The following UBR3 variants were observed in gnomAD, a reference collection of about 807,000 sequenced individuals.
UBR3 encodes the protein ubiquitin protein ligase E3 component n-recognin 3.
In UBR3, 85 loss-of-function variants were observed where a neutral mutation model predicts 243.2. The ratio of observed to expected loss-of-function variants is 0.35; its 90% confidence interval spans 0.29 to 0.42. The LOEUF is 0.42. Ranked by LOEUF, UBR3 falls within the 10% of genes least tolerant of loss-of-function variation. The pLI, the probability that UBR3 is intolerant of heterozygous loss-of-function variation, is 1.00. For synonymous variants in UBR3, 748 were observed against 799.8 expected, an observed-to-expected ratio of 0.94 and a Z score of 1.09; for missense variants, 1,686 against 2,300.8, an observed-to-expected ratio of 0.73 and a Z score of 5.47.
chr2:169,954,755 A>G (rs892871498), intron 23 of UBR3, among the ~76,000 whole-genome samples: 1 of 151,192 alleles, frequency 6.6e-6, no homozygotes, highest in Non-Finnish European at 1.5e-5. Context: ...TTGTATTTTT[A>G]GTAGAGACAG....
chr2:169,891,181 G>A lies in UBR3; in HGVS notation c.1055G>A (p.Ser352Asn). The A allele has an allele frequency of 1.3e-6, 2 of 1,549,882 alleles. No homozygotes were observed. The highest frequency in any genetic ancestry group is 1.7e-6 in the Non-Finnish European group (2 of 1,145,796). The change falls in exon 6 of 39, where the codon AGT becomes AAT. Residue 352 changes from serine (S) to asparagine (N), a missense_variant. By Grantham distance (46) the Ser-to-Asn change is conservative. Coordinates refer to ENST00000272793, the MANE Select transcript of UBR3 (RefSeq NM_172070.4). ...TTCCTTCAGGATGATCAGGATGGTA[G>A]TCAAGGTCTGGGCAAGAGAAAAAGG... ...DSSDEDDQDGSQGLGKRKRVK... is the reference protein window; with the variant it reads ...DSSDEDDQDGNQGLGKRKRVK...
At chr2:169,960,936 T>G (rs1156607029) in intron 24 of UBR3, among the ~76,000 whole-genome samples, 1 of 152,140 alleles carries the variant, frequency 6.6e-6, no homozygotes, top group South Asian at 2.1e-4. Context: ...AAAGAGACTA[T>G]CTTTAGTACG....
intron 19 of UBR3, among the ~76,000 whole-genome samples, chr2:169,935,574 AT>A (rs1359362421): frequency 5.9e-5 from 9 of 152,184 alleles, no homozygotes; most frequent in African/African-American, 2.2e-4. Context: ...TGTAAAGTAC[AT>A]TTTTTAAAAT....
intron 10 of UBR3, among the ~76,000 whole-genome samples, 168 bp from the exon 11 acceptor site, chr2:169,913,892 T>A (rs1464216196): frequency 1.3e-5 from 2 of 152,204 alleles, no homozygotes; most frequent in African/African-American, 4.8e-5. Flanking sequence ...TTCATATTTG[T>A]CACTGGTTGT....
intron 36 of UBR3, among the ~76,000 whole-genome samples, chr2:170,078,996 C>A (rs2091861433): frequency 6.6e-6 from 1 of 152,104 alleles, no homozygotes; most frequent in Admixed American, 6.6e-5. Context: ...CTTAGTTACT[C>A]CACTGATTTA....
intron 5 of UBR3, among the ~76,000 whole-genome samples, chr2:169,878,995 G>T (rs1437434665): frequency 1.3e-5 from 2 of 151,844 alleles, no homozygotes; most frequent in African/African-American, 4.8e-5. Context: ...TTTTCTAATC[G>T]TATAATAAAG....
At chr2:169,890,544 T>TATATATACACAC (rs1553504427) in intron 5 of UBR3, among the ~76,000 whole-genome samples, 3 of 56,098 alleles carry the variant, frequency 5.3e-5, no homozygotes, top group East Asian at 5.0e-4. Flanking sequence ...GAGAGAGATA[T>TATATATACACAC]ATATATATAT....
intron 11 of UBR3, among the ~76,000 whole-genome samples, chr2:169,919,653 A>G (rs1457200782): frequency 6.6e-6 from 1 of 152,250 alleles, no homozygotes; most frequent in African/African-American, 2.4e-5. Flanking sequence ...GGCAAAGGAT[A>G]TGAACAGACA....
chr2:169,828,178 CA>C, intron 1 of UBR3, 126 bp downstream of exon 1: 5 of 1,166,982 alleles, frequency 4.3e-6, no homozygotes, highest in Non-Finnish European at 5.3e-6. Flanking sequence ...GGTGCAGCCA[CA>C]GGGGGATGGA....
intron 6 of UBR3, among the ~76,000 whole-genome samples, chr2:169,894,322 G>GAAAAAAAAA (rs59525862): frequency 1.3e-5 from 1 of 78,244 alleles, no homozygotes; most frequent in African/African-American, 5.7e-5. Context: ...TGACTCTTAA[G>GAAAAAAAAA]AAAAAAAAAA....
chr2:169,963,335 TC>T (rs2087666046), intron 24 of UBR3, among the ~76,000 whole-genome samples: 1 of 152,180 alleles, frequency 6.6e-6, no homozygotes, highest in African/African-American at 2.4e-5. Context: ...GATCAATTCT[TC>T]CTTTTCTGTA....
At chr2:169,921,888 G>T (rs1017464719) in intron 11 of UBR3, among the ~76,000 whole-genome samples, 12 of 152,156 alleles carry the variant, frequency 7.9e-5, no homozygotes, top group African/African-American at 2.7e-4. Flanking sequence ...CTACTCAGGA[G>T]GCTGAGGCAG....
intron 1 of UBR3, among the ~76,000 whole-genome samples, chr2:169,831,679 C>CA (rs2081946869): frequency 6.6e-6 from 1 of 152,106 alleles, no homozygotes; most frequent in Admixed American, 6.5e-5. Context: ...GTGATGTTGA[C>CA]CAGCTCTGCA....
At chr2:170,073,641 T>C (rs1228672456) in intron 36 of UBR3, 34 bp downstream of exon 36, 1 of 1,594,960 alleles carries the variant, frequency 6.3e-7, no homozygotes, top group Non-Finnish European at 8.5e-7. Context: ...CTTGTCACGG[T>C]GGTGATATGC....
intron 31 of UBR3, 67 bp from the exon 32 acceptor site, chr2:170,040,815 A>C (rs1224970636): frequency 7.7e-6 from 9 of 1,165,202 alleles, no homozygotes; most frequent in Non-Finnish European, 9.9e-6. Context: ...TATATATGTG[A>C]CATATAAAAT....
Position 169,827,561 on chromosome 2 carries a change from G to A in UBR3, c.54G>A (p.Glu18=), listed in dbSNP as rs2081780691. 1 of 1,235,808 alleles carries A rather than the reference G, an allele frequency of 8.1e-7. No individual in the cohort carries two copies. The highest frequency in any genetic ancestry group is 1.0e-6 in the Non-Finnish European group (1 of 992,094). The allele number at this position is 1,235,808 out of a possible 1,614,324, so 76.6% of individuals were successfully genotyped here. A position where few individuals can be genotyped will look rare whatever the true frequency, so the allele number is the denominator to read the frequency against. Residue 18 remains glutamate, a synonymous_variant, in exon 1 of 39, where the codon GAG becomes GAA. Coordinates refer to ENST00000272793, the MANE Select transcript of UBR3 (RefSeq NM_172070.4). ...GGGGCCAGCAGCCGTCACAGCCCGA[G>A]CTGCCCGCGCCGGGGCTGGCCCTAG... ...AVGGQQPSQP[E]LPAPGLALDK... is the part of the protein sequence containing the mutation.
rs902741639 is a variant in UBR3, at chr2:169,828,064, C to T, written c.545+12C>T. 13 of 1,362,408 alleles carry T rather than the reference C, an allele frequency of 9.5e-6. No individual in the cohort carries two copies. The African/African-American group carries it at 1.1e-4, about 11-fold the overall frequency. The allele number at this position is 1,362,408 out of a possible 1,614,324, so 84.4% of individuals were successfully genotyped here. A position where few individuals can be genotyped will look rare whatever the true frequency, so the allele number is the denominator to read the frequency against. On this transcript the variant is annotated intron_variant, in intron 1 of 38. Transcript: ENST00000272793. ...ATGCGGGAGAGCGGGTGAGTGGAGC[C>T]CTCCCCGCGGGCGAGGCGACCCTGG... is the stretch of plus-strand genomic sequence containing the variant.
At chr2:169,904,494 C>A (rs942970224) in intron 8 of UBR3, among the ~76,000 whole-genome samples, 1 of 151,886 alleles carries the variant, frequency 6.6e-6, no homozygotes, top group Admixed American at 6.6e-5. Flanking sequence ...TTCGTACAAG[C>A]CTATCCTCCC....
At chr2:170,070,422 T>C (rs922011209) in intron 35 of UBR3, among the ~76,000 whole-genome samples, 1 of 152,046 alleles carries the variant, frequency 6.6e-6, no homozygotes, top group Non-Finnish European at 1.5e-5. Context: ...AGGAACAAGA[T>C]TGGAACAAGA....
Sources: allele counts gnomAD v4.1 joint callset (sites outside exome capture counted in the v4.1 genomes callset), GRCh38; gene constraint gnomAD v4.1.1; transcripts MANE v1.5; gene names NCBI Gene and HGNC (gene_info 2026-07-23, HGNC 2026-07-21).